PRELID2: variants seen among roughly 807,000 people sequenced by gnomAD.
The protein encoded by PRELID2 is PRELI domain-containing protein 2.
In PRELID2, 25 loss-of-function variants were observed where a neutral mutation model predicts 28.4. That is an observed-to-expected ratio of 0.88 (90% CI 0.64 to 1.23). PRELID2 has a LOEUF of 1.23. Ranked by LOEUF, PRELID2 falls within the 50% of genes most tolerant of loss-of-function variation. The probability of loss-of-function intolerance (pLI) is 0.00; values close to 1 mark genes in which losing one functional copy is unlikely to be tolerated. For missense variants in PRELID2, 201 were observed against 214.4 expected, an observed-to-expected ratio of 0.94 and a Z score of 0.39; for synonymous variants, 76 against 71.6, an observed-to-expected ratio of 1.06 and a Z score of -0.31.
chr5:145,358,077 T>C, the PRELID2 span, among the ~76,000 whole-genome samples: 1 of 152,072 alleles, frequency 6.6e-6, no homozygotes, highest in East Asian at 1.9e-4. Context: ...GGTGTTCTGG[T>C]TCATGGGGCT....
In PRELID2 at chr5:145,554,482, A is replaced by C. The variant is rs577853055; in HGVS notation, n.71-81167T>G. On this transcript the variant is annotated intron_variant and non_coding_transcript_variant, in intron 1 of 2. Transcript: ENST00000510259. ...CAGAGATGTGATAGAAGCTGCACTC[A>C]GACTGCAGTGGCTAATGGCAAAGAG... Among the ~76,000 whole-genome samples the C allele has an allele frequency of 8.9e-4, 136 of 152,352 alleles. 1 individual carries two copies. Among genetic ancestry groups the C allele is most frequent in the African/African-American group, 3.1e-3 (130 of 41,590 alleles).
At chr5:145,317,939 T>C in the PRELID2 span, among the ~76,000 whole-genome samples, 1 of 152,196 alleles carries the variant, frequency 6.6e-6, no homozygotes, top group Non-Finnish European at 1.5e-5. Context: ...ATGATAATAA[T>C]AATTAACAAT....
the PRELID2 span, among the ~76,000 whole-genome samples, chr5:145,416,006 T>C: frequency 6.6e-6 from 1 of 152,246 alleles, no homozygotes; most frequent in South Asian, 2.1e-4. Context: ...CATTGTGGTT[T>C]TGATTTGCAT....
intron 5 of PRELID2, among the ~76,000 whole-genome samples, chr5:145,791,546 G>A (rs972986233): frequency 2.0e-5 from 3 of 152,112 alleles, no homozygotes; most frequent in East Asian, 1.9e-4. Context: ...ACAAAAAGTA[G>A]AATGGTGGTT....
chr5:145,234,793 A>G, the PRELID2 span, among the ~76,000 whole-genome samples: 3 of 152,230 alleles, frequency 2.0e-5, no homozygotes, highest in South Asian at 6.2e-4. Context: ...CTACACATAG[A>G]AGCGCATAGC....
At chr5:145,828,814 TTAGA>T (rs1279193868) in intron 1 of PRELID2, among the ~76,000 whole-genome samples, 2 of 150,622 alleles carry the variant, frequency 1.3e-5, no homozygotes, top group Non-Finnish European at 3.0e-5. Flanking sequence ...GTCCATGTAC[TTAGA>T]TAGTGAAAAA....
chr5:145,645,675 T>C (rs1754185834), intron 1 of PRELID2, among the ~76,000 whole-genome samples: 1 of 152,162 alleles, frequency 6.6e-6, no homozygotes, highest in African/African-American at 2.4e-5. Context: ...CTGATACCAG[T>C]TGTTCCTTTC....
chr5:145,622,762 G>C (rs1478001043), intron 1 of PRELID2, among the ~76,000 whole-genome samples: 2 of 151,712 alleles, frequency 1.3e-5, no homozygotes, highest in Non-Finnish European at 2.9e-5. Flanking sequence ...AGTATAAATA[G>C]AGAAAAATGG....
At chr5:145,749,799 A>C (rs1456448590) in intron 1 of PRELID2, among the ~76,000 whole-genome samples, 1 of 152,194 alleles carries the variant, frequency 6.6e-6, no homozygotes, top group Non-Finnish European at 1.5e-5. Flanking sequence ...AAAGAATGAG[A>C]TCTTGTCCTT....
chr5:145,537,014 A>G (rs1752705392), intron 1 of PRELID2, among the ~76,000 whole-genome samples: 1 of 151,900 alleles, frequency 6.6e-6, no homozygotes, highest in Admixed American at 6.6e-5. Context: ...TATTATCTAC[A>G]TACTAGAAAA....
the PRELID2 span, among the ~76,000 whole-genome samples, chr5:145,248,897 C>T: frequency 6.6e-6 from 1 of 152,130 alleles, no homozygotes; most frequent in African/African-American, 2.4e-5. Context: ...CAGGTGCCAA[C>T]AACTAAATTT....
At chr5:145,740,378 T>A (rs1756634973) in intron 1 of PRELID2, among the ~76,000 whole-genome samples, 1 of 132,766 alleles carries the variant, frequency 7.5e-6, no homozygotes, top group Non-Finnish European at 1.6e-5. Flanking sequence ...AGCAAAAATT[T>A]ATAGAACTGA....
chr5:145,401,107 G>A, the PRELID2 span, among the ~76,000 whole-genome samples: 18 of 152,080 alleles, frequency 1.2e-4, no homozygotes, highest in African/African-American at 4.1e-4. Flanking sequence ...CCGTTGTCAC[G>A]TGCTTGAAGG....
rs1040783779 is a variant in PRELID2 at position 145,758,720 on chromosome 5, T to C, written c.*1816A>G. 9.9e-5 allele frequency among the ~76,000 whole-genome samples: 15 copies of C among 152,284 alleles called. No homozygotes were observed. Among genetic ancestry groups the C allele is most frequent in the African/African-American group, 3.6e-4 (15 of 41,566 alleles). ...CTCCAAAAGCCTACCAAATGCCATC[T>C]ACAAATTGGAAAAAAAAGGTCAAAG... On this transcript the variant is annotated 3_prime_UTR_variant, in exon 7 of 7. Coordinates refer to ENST00000683046, the MANE Select transcript of PRELID2 (RefSeq NM_205846.3).
chr5:145,631,548 T>A (rs1038286164), intron 1 of PRELID2, among the ~76,000 whole-genome samples: 1 of 152,182 alleles, frequency 6.6e-6, no homozygotes, highest in Non-Finnish European at 1.5e-5. Context: ...ATTCTCATCA[T>A]ATACATTGTC....
chr5:145,788,295 A>G (rs534749312), intron 5 of PRELID2, among the ~76,000 whole-genome samples: 23 of 152,198 alleles, frequency 1.5e-4, no homozygotes, highest in South Asian at 1.4e-3. Context: ...AGCTAACTAC[A>G]TATTTTAGCA....
chr5:145,731,029 C>T (rs1193213555), intron 1 of PRELID2, among the ~76,000 whole-genome samples: 2 of 152,226 alleles, frequency 1.3e-5, no homozygotes, highest in East Asian at 1.9e-4. Context: ...AGAGAAAGCA[C>T]TCCTGATAGA....
intron 1 of PRELID2, among the ~76,000 whole-genome samples, chr5:145,663,163 A>G (rs1047144310): frequency 6.6e-5 from 10 of 152,080 alleles, no homozygotes; most frequent in African/African-American, 2.4e-4. Flanking sequence ...TTTCTCAAAG[A>G]GTTACCTTCT....
chr5:145,791,420 T>C (rs1752386082), intron 5 of PRELID2, among the ~76,000 whole-genome samples: 2 of 152,188 alleles, frequency 1.3e-5, no homozygotes, highest in South Asian at 2.1e-4. Flanking sequence ...TGACACATGC[T>C]ACAATGCAGA....
Sources: allele counts gnomAD v4.1 joint callset (sites outside exome capture counted in the v4.1 genomes callset), GRCh38; gene constraint gnomAD v4.1.1; transcripts MANE v1.5; gene names NCBI Gene and HGNC (gene_info 2026-07-23, HGNC 2026-07-21).